The following DENND1A variants were observed in gnomAD, a reference collection of about 807,000 sequenced individuals.
The protein encoded by DENND1A is DENN domain-containing protein 1A.
DENND1A carries 51 observed loss-of-function variants against 113.7 expected under a neutral mutation model. The ratio of observed to expected loss-of-function variants is 0.45; its 90% CI spans 0.36 to 0.57. The LOEUF is 0.57. Among genes scored for constraint, DENND1A ranks in the 20% least tolerant of loss-of-function variants. The probability of loss-of-function intolerance (pLI) is 0.00; values close to 1 mark genes in which losing one functional copy is unlikely to be tolerated. For missense variants in DENND1A, 1,258 were observed against 1,395.9 expected (o/e 0.90, Z 1.57); for synonymous variants, 565 against 570.8 (o/e 0.99, Z 0.14).
intron 5 of DENND1A, among the ~76,000 whole-genome samples, chr9:123,738,443 C>CTGTGTGTGTGTGTGTG (rs59851560): frequency 5.6e-4 from 80 of 143,436 alleles, no homozygotes; most frequent in African/African-American, 1.8e-3. Context: ...TCAACAGCTT[C>CTGTGTGTGTGTGTGTG]TGTGTGTGTG....
chr9:123,628,080 C>A (rs1320172985), intron 10 of DENND1A, among the ~76,000 whole-genome samples: 1 of 152,008 alleles, frequency 6.6e-6, no homozygotes, highest in African/African-American at 2.4e-5. Context: ...GGGACTCAGG[C>A]GTCCTCCTCT....
At chr9:123,526,699 C>G (rs942714629) in intron 13 of DENND1A, among the ~76,000 whole-genome samples, 1 of 152,176 alleles carries the variant, frequency 6.6e-6, no homozygotes, top group East Asian at 1.9e-4. Context: ...CATCCCTTGG[C>G]GTTGGCATGT....
In DENND1A at chr9:123,534,073, T is replaced by A. The variant is rs1226697781; in HGVS notation, c.993+23497A>T. Among the ~76,000 whole-genome samples the A allele has an allele frequency of 2.0e-5, 3 of 152,254 alleles. No homozygotes were observed. The East Asian group carries it at 5.8e-4, about 29-fold the overall frequency. On this transcript the variant is annotated intron_variant, in intron 13 of 23. Coordinates refer to ENST00000394215, the MANE Select transcript of DENND1A (RefSeq NM_001352964.2). ...AATGTCATTTATCACACAATTTATA[T>A]GTGAAAGACTATATGGAACTTATAT...
chr9:123,927,107 G>A (rs1857253771), intron 1 of DENND1A, among the ~76,000 whole-genome samples: 1 of 152,184 alleles, frequency 6.6e-6, no homozygotes, highest in Admixed American at 6.5e-5. Context: ...ACAGTAGTGA[G>A]GGTTTCATGA....
chr9:123,454,771 T>G lies in DENND1A; in HGVS notation c.1195A>C (p.Lys399Gln). Reference sequence around the variant, plus strand: ...GTGGAGAGCCACTGATGGTACAGTTTGTCACTGCCTGGGGAAAGAGAATTC... The same window carrying G: ...GTGGAGAGCCACTGATGGTACAGTTGGTCACTGCCTGGGGAAAGAGAATTC... ...INMGEYAGSD[K>Q]LYHQWLSTVR... The change falls in exon 16 of 24, where the codon AAA becomes CAA. Residue 399 changes from lysine to glutamine, a missense_variant. By Grantham distance (53) the Lys-to-Gln change is moderately conservative. Around this residue, in one of 2 missense-constraint regions of DENND1A, gnomAD observed 1,159 missense variants for 1,231.7 expected, o/e 0.94. Coordinates refer to ENST00000394215, the MANE Select transcript of DENND1A (RefSeq NM_001352964.2). The G allele has an allele frequency of 6.4e-7, 1 of 1,554,886 alleles. No individual in the cohort carries two copies. Among genetic ancestry groups the G allele is most frequent in the Non-Finnish European group, 8.7e-7 (1 of 1,148,584 alleles).
intron 5 of DENND1A, among the ~76,000 whole-genome samples, chr9:123,698,996 T>C (rs2065701530): frequency 6.6e-6 from 1 of 152,092 alleles, no homozygotes; most frequent in African/African-American, 2.4e-5. Flanking sequence ...TTCTCAGGTA[T>C]TGGAATAAAA....
intron 11 of DENND1A, among the ~76,000 whole-genome samples, chr9:123,605,620 T>A (rs1452500025): frequency 1.3e-5 from 2 of 152,216 alleles, no homozygotes; most frequent in Non-Finnish European, 2.9e-5. Flanking sequence ...GAGAGAAGAA[T>A]GGCGATCAGG....
At chr9:123,925,527 G>A (rs1359525920) in intron 1 of DENND1A, among the ~76,000 whole-genome samples, 1 of 152,114 alleles carries the variant, frequency 6.6e-6, no homozygotes, top group African/African-American at 2.4e-5. Flanking sequence ...GGAAGGGATT[G>A]TTTTTGTTTT....
Position 123,401,498 on chromosome 9 carries a change from T to C in DENND1A, c.1631+1904A>G, listed in dbSNP as rs376374964. On this transcript the variant is annotated intron_variant, in intron 21 of 23. Transcript: ENST00000394215. ...ATGTCCTGAAACGTACCCCTCTGTCTCCTTGTGGGCCCGAGCCACTGTGAC... is the reference window on the plus strand; with the variant it reads ...ATGTCCTGAAACGTACCCCTCTGTCCCCTTGTGGGCCCGAGCCACTGTGAC... 7.3e-5 allele frequency: 90 copies of C among 1,235,686 alleles called. 1 individual carries two copies. The East Asian group carries it at 1.6e-3, about 21-fold the overall frequency. The allele number at this position is 1,235,686 out of a possible 1,614,324, so 76.5% of individuals were successfully genotyped here.
At chr9:123,842,051 G>A (rs1299231718) in intron 2 of DENND1A, among the ~76,000 whole-genome samples, 1 of 152,170 alleles carries the variant, frequency 6.6e-6, no homozygotes, top group African/African-American at 2.4e-5. Flanking sequence ...TATTCAACAT[G>A]CAATTCCCAA....
At chr9:123,563,312 C>G (rs960207781) in intron 12 of DENND1A, among the ~76,000 whole-genome samples, 2 of 152,216 alleles carry the variant, frequency 1.3e-5, no homozygotes, top group Admixed American at 1.3e-4. Context: ...TCACTGGTCA[C>G]TGTTCTCAAC....
rs1395886429 is a variant in DENND1A at position 123,647,068 on chromosome 9, G to A, written c.618+4945C>T. ...CTGCCACTGCCAAATCTCAGGCAATGTTGATTCTTAATCTTTGTACAAGAA... is the reference window on the plus strand; with the variant it reads ...CTGCCACTGCCAAATCTCAGGCAATATTGATTCTTAATCTTTGTACAAGAA... On this transcript the variant is annotated intron_variant, in intron 9 of 23. Transcript: ENST00000394215. 2.6e-5 allele frequency among the ~76,000 whole-genome samples: 4 copies of A among 152,280 alleles called. No homozygotes were observed. In the East Asian group the frequency reaches 5.8e-4, roughly 22 times the overall value.
At chr9:123,781,337 C>T (rs528535515) in intron 3 of DENND1A, among the ~76,000 whole-genome samples, 8 of 152,144 alleles carry the variant, frequency 5.3e-5, no homozygotes, top group Non-Finnish European at 1.0e-4. Flanking sequence ...AGAGGGGAAA[C>T]CATGGCTTGT....
chr9:123,414,736 CCTGGAAAATG>C, intron 19 of DENND1A: 1 of 1,110,924 alleles, frequency 9.0e-7, no homozygotes, highest in East Asian at 2.6e-5. Context: ...ATGAATATCC[CCTGGAAAATG>C]CTGTCTGAAG....
At chr9:123,440,968 T>C (rs1023416179) in intron 18 of DENND1A, among the ~76,000 whole-genome samples, 1 of 152,232 alleles carries the variant, frequency 6.6e-6, no homozygotes, top group Admixed American at 6.5e-5. Flanking sequence ...TATACCACGA[T>C]TCAATATTCT....
chr9:123,441,048 T>G (rs1250973014), intron 18 of DENND1A, among the ~76,000 whole-genome samples: 2 of 152,120 alleles, frequency 1.3e-5, no homozygotes, highest in Non-Finnish European at 2.9e-5. Context: ...TATACTGCAG[T>G]TTTTCTTTCT....
intron 2 of DENND1A, among the ~76,000 whole-genome samples, chr9:123,849,171 C>T (rs1476839191): frequency 2.0e-5 from 3 of 152,300 alleles, no homozygotes; most frequent in South Asian, 2.1e-4. Flanking sequence ...CCATCTAGGA[C>T]TTTCATAGCT....
chr9:123,576,240 C>T (rs941129372), intron 12 of DENND1A, among the ~76,000 whole-genome samples: 1 of 152,164 alleles, frequency 6.6e-6, no homozygotes, highest in African/African-American at 2.4e-5. Context: ...ATTCTCCACC[C>T]CCTACTGGTA....
intron 19 of DENND1A, chr9:123,413,709 T>C (rs1248050659): frequency 1.0e-6 from 1 of 985,424 alleles, no homozygotes; most frequent in Non-Finnish European, 1.2e-6. Flanking sequence ...GACCCATGCT[T>C]GGTGACCCTT....
Sources: gnomAD v4.1 joint callset for allele counts (sites outside exome capture counted in the v4.1 genomes callset) on GRCh38, gnomAD v4.1.1 for gene constraint, gnomAD v4.1.1 regional missense constraint, MANE v1.5 for transcripts, NCBI Gene and HGNC (gene_info 2026-07-23, HGNC 2026-07-21) for gene names.